Variants in CUEDC1 observed in about 807,000 individuals in gnomAD.
CUEDC1 encodes the protein CUE domain containing 1.
A neutral mutation model predicts 43.7 loss-of-function variants in CUEDC1; 30 were observed. That is an observed-to-expected ratio of 0.69 (90% CI 0.51 to 0.93). CUEDC1 has a LOEUF of 0.93. Ranked by LOEUF, CUEDC1 falls within the 40% of genes least tolerant of loss-of-function variation. The pLI is 0.00. For missense variants in CUEDC1, 486 were observed against 549.0 expected (o/e 0.89, Z 1.15); for synonymous variants, 223 against 223.6 (o/e 1.00, Z 0.02).
chr17:57,866,918 G>C (rs944767858), intron 9 of CUEDC1: 5 of 342,340 alleles, frequency 1.5e-5, no homozygotes, highest in Non-Finnish European at 2.7e-5. Flanking sequence ...GTTCAGCTGC[G>C]GGCCCAGGAG....
intron 1 of CUEDC1, among the ~76,000 whole-genome samples, chr17:57,940,031 A>G (rs1287839528): frequency 6.6e-6 from 1 of 151,498 alleles, no homozygotes; most frequent in East Asian, 1.9e-4. Context: ...GGTTTCTGTT[A>G]CTTGCCTTCA....
At chr17:57,917,809 C>T (rs189696396) in intron 1 of CUEDC1, among the ~76,000 whole-genome samples, 1 of 152,322 alleles carries the variant, frequency 6.6e-6, no homozygotes, top group Non-Finnish European at 1.5e-5. Flanking sequence ...ATGCAGGTGA[C>T]GTGCACTGAG....
intron 1 of CUEDC1, among the ~76,000 whole-genome samples, chr17:57,924,386 G>A (rs1243120001): frequency 2.0e-5 from 3 of 152,148 alleles, no homozygotes; most frequent in Non-Finnish European, 4.4e-5. Flanking sequence ...TTATAGGCGT[G>A]AGCCACCGCG....
intron 1 of CUEDC1, among the ~76,000 whole-genome samples, chr17:57,953,576 G>C (rs1250871176): frequency 2.0e-5 from 3 of 152,188 alleles, no homozygotes; most frequent in African/African-American, 7.2e-5. Flanking sequence ...CTGGTTCCAA[G>C]GGGGTATATT....
intron 1 of CUEDC1, among the ~76,000 whole-genome samples, chr17:57,946,436 A>C (rs2074960358): frequency 1.3e-5 from 2 of 152,196 alleles, no homozygotes; most frequent in South Asian, 4.1e-4. Context: ...CCTGTGAACC[A>C]ACCAGACTGG....
At chr17:57,907,667 G>A (rs376962153) in intron 1 of CUEDC1, among the ~76,000 whole-genome samples, 1 of 151,964 alleles carries the variant, frequency 6.6e-6, no homozygotes, top group African/African-American at 2.4e-5. Context: ...CCAACATGGT[G>A]AAACCCTGTC....
rs1301283771 is a variant in CUEDC1, at chr17:57,885,843, C to T, written c.-279G>A. 1 of 317,120 alleles carries T rather than the reference C, an allele frequency of 3.2e-6. No homozygotes were observed. Among genetic ancestry groups the T allele is most frequent in the Non-Finnish European group, 5.7e-6 (1 of 176,264 alleles). The allele number at this position is 317,120 out of a possible 1,614,324, so 19.6% of individuals were successfully genotyped here. On this transcript the variant is annotated 5_prime_UTR_variant, in exon 2 of 11. Coordinates refer to ENST00000577830, the MANE Select transcript of CUEDC1 (RefSeq NM_001271875.2). ...CTGGGCGGCCGGTCATCCACACCCC[C>T]GGTGCATCCTGGCACCGGTTTCACG...
intron 1 of CUEDC1, among the ~76,000 whole-genome samples, chr17:57,934,899 G>A (rs936582218): frequency 5.9e-5 from 9 of 152,024 alleles, no homozygotes; most frequent in Non-Finnish European, 1.3e-4. Context: ...ATAGAGACAG[G>A]GTTTCGCCAT....
At chr17:57,866,421 T>G in intron 10 of CUEDC1, 53 bp downstream of exon 10, 2 of 1,561,102 alleles carry the variant, frequency 1.3e-6, no homozygotes, top group Non-Finnish European at 1.8e-6. Flanking sequence ...GTGCATAGTG[T>G]GGGGGGCCCT....
chr17:57,908,805 G>T (rs2074554079), intron 1 of CUEDC1, among the ~76,000 whole-genome samples: 1 of 152,140 alleles, frequency 6.6e-6, no homozygotes, highest in Non-Finnish European at 1.5e-5. Context: ...AGACCATCCT[G>T]GCTAACACAG....
chr17:57,887,662 T>TTTTTTTTTTTTG (rs2074308878), intron 1 of CUEDC1, among the ~76,000 whole-genome samples: 1 of 131,666 alleles, frequency 7.6e-6, no homozygotes, highest in South Asian at 2.5e-4. Context: ...TGGCTTTTTT[T>TTTTTTTTTTTTG]TTTTTTTTTT....
intron 1 of CUEDC1, among the ~76,000 whole-genome samples, chr17:57,913,618 G>A (rs2074607296): frequency 6.6e-6 from 1 of 152,122 alleles, no homozygotes; most frequent in Non-Finnish European, 1.5e-5. Context: ...AGCAGGGACA[G>A]GGCCCAGGGA....
At chr17:57,892,511 C>G (rs1421437381) in intron 1 of CUEDC1, 1 of 152,372 alleles carries the variant, frequency 6.6e-6, no homozygotes, top group Non-Finnish European at 1.5e-5. Flanking sequence ...AGCTCTGTCT[C>G]TGTGCACCCC....
At chr17:57,879,544 G>A in intron 3 of CUEDC1, 67 bp downstream of exon 3, 1 of 1,498,330 alleles carries the variant, frequency 6.7e-7, no homozygotes, top group Non-Finnish European at 8.8e-7. Context: ...CGTGTTGTTT[G>A]TACACAGCCC....
At chr17:57,893,402 G>T (rs968506344) in intron 1 of CUEDC1, among the ~76,000 whole-genome samples, 10 of 137,634 alleles carry the variant, frequency 7.3e-5, no homozygotes, top group Non-Finnish European at 1.7e-4. Flanking sequence ...GAGACGCCTT[G>T]TCCTCCTGCC....
chr17:57,920,644 T>C (rs1303052955), intron 1 of CUEDC1, among the ~76,000 whole-genome samples: 1 of 150,136 alleles, frequency 6.7e-6, no homozygotes, highest in Non-Finnish European at 1.5e-5. Context: ...TTTTTTTTTT[T>C]TTTTTGAGAT....
intron 1 of CUEDC1, among the ~76,000 whole-genome samples, chr17:57,940,610 T>G (rs1244476244): frequency 6.6e-6 from 1 of 152,194 alleles, no homozygotes; most frequent in Non-Finnish European, 1.5e-5. Flanking sequence ...CCCTGGGATG[T>G]CAGGATTTGA....
At chr17:57,928,102 C>T (rs940953901) in intron 1 of CUEDC1, among the ~76,000 whole-genome samples, 3 of 152,184 alleles carry the variant, frequency 2.0e-5, no homozygotes, top group African/African-American at 7.2e-5. Flanking sequence ...AGGTTCTTAG[C>T]GAAGGCTCTG....
chr17:57,867,439 G>T, intron 8 of CUEDC1, 24 bp from the exon 9 acceptor site: 1 of 1,550,500 alleles, frequency 6.4e-7, no homozygotes. Flanking sequence ...CAGGAAAACC[G>T]TCCCAGGGAT....
Sources: allele counts gnomAD v4.1 joint callset (sites outside exome capture counted in the v4.1 genomes callset), GRCh38; gene constraint gnomAD v4.1.1; transcripts MANE v1.5; gene names NCBI Gene and HGNC (gene_info 2026-07-23, HGNC 2026-07-21).